The following DSP variants were observed in gnomAD, a reference collection of about 807,000 sequenced individuals.
DSP encodes the protein desmoplakin.
DSP carries 114 observed loss-of-function variants against 290.6 expected under a neutral mutation model. The ratio of observed to expected loss-of-function variants is 0.39; its 90% CI spans 0.34 to 0.46. DSP has a LOEUF of 0.46. Among genes scored for constraint, DSP ranks in the 20% least tolerant of loss-of-function variants. The pLI, the probability that DSP is intolerant of heterozygous loss-of-function variation, is 0.99. For missense variants in DSP, 3,230 were observed against 3,495.8 expected (o/e 0.92, Z 1.92); for synonymous variants, 1,311 against 1,316.4 (o/e 1.00, Z 0.09).
In DSP at chr6:7,569,322, C is replaced by T. The variant is rs1395532173; in HGVS notation, c.1556C>T (p.Ala519Val). Reference sequence around the variant, plus strand: ...ATCATCCCTCCTCCGAACCCACTGGCCGTGGACCTCTCTTGCAAGTAAGTC... The same window carrying T: ...ATCATCCCTCCTCCGAACCCACTGGTCGTGGACCTCTCTTGCAAGTAAGTC... ...GLIIPPPNPL[A>V]VDLSCKIEQY... The change falls in exon 12 of 24, where the codon GCC (alanine) becomes GTC (valine). Residue 519 changes from alanine (A) to valine (V), a missense_variant. Physicochemically the swap from Ala to Val is moderately conservative, Grantham distance 64. Around this residue, in one of 5 missense-constraint regions of DSP, gnomAD observed 646 missense variants for 684.3 expected, o/e 0.94. Transcript: ENST00000379802. 1.2e-6 allele frequency: 2 copies of T among 1,614,154 alleles called. No individual in the cohort carries two copies. Among genetic ancestry groups the T allele is most frequent in the Non-Finnish European group, 1.7e-6 (2 of 1,180,024 alleles).
chr6:7,541,744 G>C lies in DSP; in HGVS notation c.-172G>C. 1.3e-6 allele frequency: 1 copy of C among 787,848 alleles called. No homozygotes were observed. Among genetic ancestry groups the C allele is most frequent in the Non-Finnish European group, 1.9e-6 (1 of 528,836 alleles). The allele number at this position is 787,848 out of a possible 1,614,324, so 48.8% of individuals were successfully genotyped here. Reference sequence around the variant, plus strand: ...GCCCCCGGCCCGTCGCCGTCTCCGCGCTCGCAGCGGCCTCGGGAGGGCCCA... The same window carrying C: ...GCCCCCGGCCCGTCGCCGTCTCCGCCCTCGCAGCGGCCTCGGGAGGGCCCA... On this transcript the variant is annotated 5_prime_UTR_variant, in exon 1 of 24. Coordinates refer to ENST00000379802, the MANE Select transcript of DSP (RefSeq NM_004415.4).
In DSP at chr6:7,581,664, T is replaced by C; in HGVS notation, c.5379+95T>C. ...ACTGTGCTCTTTCTGCTTAAATAGA[T>C]GCTTATAGAAAATCTAATTTTTCTT... On this transcript the variant is annotated intron_variant, in intron 23 of 23. Transcript: ENST00000379802. The C allele has an allele frequency of 2.6e-6, 4 of 1,532,348 alleles. No individual in the cohort carries two copies. In the South Asian group the frequency reaches 4.8e-5, roughly 18 times the overall value. 94.9% of individuals were successfully genotyped at this position (1,532,348 alleles called of 1,614,324 possible). A position where few individuals can be genotyped will look rare whatever the true frequency, so the allele number is the denominator to read the frequency against.
At chr6:7,573,607 T>G (rs1219447563) in intron 15 of DSP, among the ~76,000 whole-genome samples, 2 of 151,288 alleles carry the variant, frequency 1.3e-5, no homozygotes, top group Non-Finnish European at 2.9e-5. Context: ...AAAGAGATCC[T>G]GCCATTTGCA....
intron 11 of DSP, among the ~76,000 whole-genome samples, chr6:7,568,900 G>T (rs921509397): frequency 6.6e-6 from 1 of 152,200 alleles, no homozygotes; most frequent in Non-Finnish European, 1.5e-5. Flanking sequence ...AATGAGAAAT[G>T]ATGCTTTTAT....
At chr6:7,554,014 C>G (rs1273114184) in intron 1 of DSP, among the ~76,000 whole-genome samples, 1 of 151,500 alleles carries the variant, frequency 6.6e-6, no homozygotes, top group African/African-American at 2.4e-5. Flanking sequence ...TGATCTTATC[C>G]CATCTATGCA....
At chr6:7,574,597 A>G in intron 16 of DSP, 60 bp from the exon 17 acceptor site, 1 of 1,610,780 alleles carries the variant, frequency 6.2e-7, no homozygotes, top group Non-Finnish European at 8.5e-7. Context: ...TGTGAGAGGC[A>G]AATCTTCACA....
intron 1 of DSP, among the ~76,000 whole-genome samples, chr6:7,545,317 G>A (rs990816409): frequency 2.6e-5 from 4 of 152,144 alleles, no homozygotes; most frequent in Non-Finnish European, 4.4e-5. Flanking sequence ...AGAGCGGGGG[G>A]ACCCCTAAGG....
Position 7,580,254 on chromosome 6 carries a change from A to G in DSP, c.4064A>G (p.Tyr1355Cys). ...GAACTGAGTAAGGTAAGAAACAATT[A>G]TGATGAGGAGATCATTAGCTTAAAA... ...ENELSKVRNN[Y>C]DEEIISLKNQ... Residue 1355 changes from tyrosine to cysteine, a missense_variant, in exon 23 of 24, where the codon TAT (tyrosine) becomes TGT (cysteine). Around this residue, in one of 5 missense-constraint regions of DSP, gnomAD observed 1,714 missense variants for 1,844.5 expected, o/e 0.93. Coordinates refer to ENST00000379802, the MANE Select transcript of DSP (RefSeq NM_004415.4). The surrounding 1 kb of genome is among the most constrained non-coding windows in gnomAD (Gnocchi z 4.2). 1 of 1,614,076 alleles carries G rather than the reference A, an allele frequency of 6.2e-7. No individual in the cohort carries two copies. Among genetic ancestry groups the G allele is most frequent in the Non-Finnish European group, 8.5e-7 (1 of 1,180,014 alleles).
intron 1 of DSP, among the ~76,000 whole-genome samples, chr6:7,544,586 A>G (rs1385274237): frequency 6.6e-6 from 1 of 151,706 alleles, no homozygotes; most frequent in Non-Finnish European, 1.5e-5. Context: ...CTGAATTATT[A>G]ATAGATTGGT....
In DSP at chr6:7,580,412, GAAATAAAGAGGCTGAAGAACACTCT is replaced by G; in HGVS notation, c.4225_4249del (p.Ile1409ProfsTer35). On this transcript the variant is annotated frameshift_variant, in exon 23 of 24. Coordinates refer to ENST00000379802, the MANE Select transcript of DSP (RefSeq NM_004415.4). LOFTEE classifies it high-confidence loss of function. This position sits in a 1 kb window ranked among gnomAD's most constrained non-coding sequence, Gnocchi z 4.2. ...CCGAGAAAACAGGAGCTTATCTGAAGAAATAAAGAGGCTGAAGAACACTCTAACCCAGACCACAGAGAATCTCAGG... is the reference window on the plus strand; with the variant it reads ...CCGAGAAAACAGGAGCTTATCTGAAGAACCCAGACCACAGAGAATCTCAGG... 1 of 1,614,052 alleles carries G rather than the reference GAAATAAAGAGGCTGAAGAACACTCT, an allele frequency of 6.2e-7. No homozygotes were observed. The highest frequency in any genetic ancestry group is 8.5e-7 in the Non-Finnish European group (1 of 1,180,014).
rs1288489868 is a variant in DSP, at chr6:7,567,848, A to G, written c.1208A>G (p.Tyr403Cys). The G allele has an allele frequency of 6.2e-7, 1 of 1,614,054 alleles. No individual in the cohort carries two copies. Among genetic ancestry groups the G allele is most frequent in the Admixed American group, 1.7e-5 (1 of 60,018 alleles). Residue 403 changes from tyrosine (Y) to cysteine (C), a missense_variant, in exon 10 of 24, where the codon TAC becomes TGC. By Grantham distance (194) the Tyr-to-Cys change is radical. Transcript: ENST00000379802. ...KGLQDSIRKK[Y>C]PCDKNMPLQH... The stretch of plus-strand genomic sequence containing the variant: ...CTCCAGGACTCCATCAGGAAGAAGT[A>G]CCCCTGCGACAAGAACATGCCCCTG...
intron 1 of DSP, among the ~76,000 whole-genome samples, chr6:7,546,286 GTAGA>G (rs1758168893): frequency 1.3e-5 from 2 of 152,174 alleles, no homozygotes; most frequent in African/African-American, 2.4e-5. Flanking sequence ...GACTCATAGC[GTAGA>G]TAGTCTAAAC....
In DSP at chr6:7,584,843, G is replaced by A. The variant is rs879254350; in HGVS notation, c.7581G>A (p.Gln2527=). The change falls in exon 24 of 24, where the codon CAG becomes CAA. Residue 2527 remains glutamine, a synonymous_variant. Transcript: ENST00000379802. This position sits in a 1 kb window ranked among gnomAD's most constrained non-coding sequence, Gnocchi z 6.4. ...VVLVDRKTGS[Q]YDIQDAIDKG... ...TGGTAGATAGAAAGACAGGCAGTCA[G>A]TATGATATTCAAGATGCTATTGACA... 7 of 1,614,208 alleles carry A rather than the reference G, an allele frequency of 4.3e-6. No homozygotes were observed. The highest frequency in any genetic ancestry group is 5.9e-6 in the Non-Finnish European group (7 of 1,180,036).
At chr6:7,564,096 C>A (rs181267685) in intron 6 of DSP, among the ~76,000 whole-genome samples, 1 of 152,190 alleles carries the variant, frequency 6.6e-6, no homozygotes, top group Non-Finnish European at 1.5e-5. Flanking sequence ...CTGCGCCCGG[C>A]CTAAAAGTTG....
rs539911682 is a variant in DSP, at chr6:7,575,088, C to A, written c.2437-207C>A. ...TAATATGTTCATATTATTATTATAA[C>A]AGGATAGCACAAAGAACAAGATTAT... On this transcript the variant is annotated intron_variant, in intron 17 of 23. Transcript: ENST00000379802. Among the ~76,000 whole-genome samples, 44 of 152,216 alleles carry A rather than the reference C, an allele frequency of 2.9e-4. No homozygotes were observed. In the South Asian group the frequency reaches 8.9e-3, roughly 31 times the overall value.
chr6:7,560,394 G>A lies in DSP; in HGVS notation c.597+994G>A, dbSNP rs78406013. 3.3e-5 allele frequency among the ~76,000 whole-genome samples: 5 copies of A among 152,228 alleles called. No homozygotes were observed. In the East Asian group the frequency reaches 9.7e-4, roughly 29 times the overall value. On this transcript the variant is annotated intron_variant, in intron 4 of 23. Transcript: ENST00000379802. ...CTCCCATTTATTATAAAGAATATAA[G>A]CTATTACAGAAGGTAAGGCTTAGAA...
chr6:7,583,995 G>A lies in DSP; in HGVS notation c.6733G>A (p.Glu2245Lys), dbSNP rs539763516. The A allele has an allele frequency of 4.3e-6, 7 of 1,614,120 alleles. No homozygotes were observed. The highest frequency in any genetic ancestry group is 5.9e-6 in the Non-Finnish European group (7 of 1,180,028). Residue 2245 changes from glutamate to lysine, a missense_variant, in exon 24 of 24, where the codon GAG becomes AAG. Glu to Lys is a moderately conservative substitution (Grantham distance 56). This residue lies in a region of DSP where 207 missense variants were observed against 281.2 expected (regional missense o/e 0.74). Coordinates refer to ENST00000379802, the MANE Select transcript of DSP (RefSeq NM_004415.4). This position sits in a 1 kb window ranked among gnomAD's most constrained non-coding sequence, Gnocchi z 4.0. ...GGAATCTGGTCAGATTTCTTATGAC[G>A]AGGTTGGTGAGAGAATTAAGGACTT... Reference protein sequence around the residue: ...ELESGQISYDEVGERIKDFLQ... With the variant: ...ELESGQISYDKVGERIKDFLQ...
rs1465657372 is a variant in DSP, at chr6:7,565,104, T to C, written c.778-255T>C. On this transcript the variant is annotated intron_variant, in intron 6 of 23. Transcript: ENST00000379802. This position sits in a 1 kb window ranked among gnomAD's most constrained non-coding sequence, Gnocchi z 4.2. ...GGTTGCAGTGAACCGAGATCGCTCATGCCACTGCACTCCAGCCTGGGAGAC... is the reference window on the plus strand; with the variant it reads ...GGTTGCAGTGAACCGAGATCGCTCACGCCACTGCACTCCAGCCTGGGAGAC... Among the ~76,000 whole-genome samples, 1 of 151,986 alleles carries C rather than the reference T, an allele frequency of 6.6e-6. No homozygotes were observed. Among genetic ancestry groups the C allele is most frequent in the African/African-American group, 2.4e-5 (1 of 41,376 alleles).
In DSP at chr6:7,565,449, G is replaced by A. The variant is rs397516974; in HGVS notation, c.868G>A (p.Glu290Lys). Residue 290 changes from glutamate (E) to lysine (K), a missense_variant, in exon 7 of 24, where the codon GAG becomes AAG. Glu to Lys is a moderately conservative substitution (Grantham distance 56). This residue lies in a region of DSP where 646 missense variants were observed against 684.3 expected (regional missense o/e 0.94). Transcript: ENST00000379802. This position sits in a 1 kb window ranked among gnomAD's most constrained non-coding sequence, Gnocchi z 4.2. ...SREIMWINDC[E>K]EEELLYDWSD... The stretch of plus-strand genomic sequence containing the variant: ...GGAGATCATGTGGATCAATGACTGC[G>A]AGGAGGAGGAGCTGCTGTACGACTG... 6.2e-7 allele frequency: 1 copy of A among 1,614,110 alleles called. No homozygotes were observed. The highest frequency in any genetic ancestry group is 8.5e-7 in the Non-Finnish European group (1 of 1,180,002).
Sources: allele counts gnomAD v4.1 joint callset (sites outside exome capture counted in the v4.1 genomes callset), GRCh38; gene constraint gnomAD v4.1.1; regional missense constraint gnomAD v4.1.1; non-coding constraint Gnocchi (gnomAD v3.1); transcripts MANE v1.5; gene names NCBI Gene and HGNC (gene_info 2026-07-23, HGNC 2026-07-21).